Variants in SMARCC1 observed in about 807,000 individuals in gnomAD.
SMARCC1 encodes SWI/SNF related BAF chromatin remodeling complex subunit C1, also known as SWI/SNF complex subunit SMARCC1.
Under a neutral mutation model 147.4 loss-of-function variants are expected in SMARCC1, and 43 were observed. The observed-to-expected ratio is 0.29, with a 90% CI of 0.23 to 0.38. The LOEUF (loss-of-function observed/expected upper bound fraction) is 0.38, where lower values mean the gene tolerates loss of function less well. SMARCC1 is among the 10% of genes least tolerant of loss of function. The probability of loss-of-function intolerance (pLI) is 1.00; values close to 1 mark genes in which losing one functional copy is unlikely to be tolerated. For synonymous variants in SMARCC1, 495 were observed against 484.4 expected, an observed-to-expected ratio of 1.02 and a Z score of -0.29; for missense variants, 1,119 against 1,381.1, an observed-to-expected ratio of 0.81 and a Z score of 3.01.
intron 19 of SMARCC1, among the ~76,000 whole-genome samples, chr3:47,666,586 A>G (rs551912545): frequency 5.2e-4 from 26 of 49,828 alleles, no homozygotes; most frequent in African/African-American, 1.1e-3. Context: ...TGTTTTCCTA[A>G]TTAAAAAAAA....
chr3:47,735,971 G>T, intron 5 of SMARCC1, 63 bp downstream of exon 5: 1 of 706,824 alleles, frequency 1.4e-6, no homozygotes, highest in Non-Finnish European at 2.3e-6. Flanking sequence ...ATTTATTAGA[G>T]GCTTACAACT....
intron 2 of SMARCC1, among the ~76,000 whole-genome samples, chr3:47,770,707 T>C (rs771256772): frequency 6.6e-6 from 1 of 151,888 alleles, no homozygotes; most frequent in Admixed American, 6.6e-5. Context: ...AAAAATGAAA[T>C]CATACAAGTA....
chr3:47,708,041 C>A (rs896677868), intron 9 of SMARCC1, among the ~76,000 whole-genome samples: 1 of 140,700 alleles, frequency 7.1e-6, no homozygotes, highest in African/African-American at 2.6e-5. Context: ...AAAGGATATA[C>A]ACCTTTGAAT....
intron 4 of SMARCC1, among the ~76,000 whole-genome samples, chr3:47,736,916 C>T (rs770140826): frequency 2.0e-5 from 3 of 152,018 alleles, no homozygotes; most frequent in African/African-American, 2.4e-5. Context: ...ATTTAGTGAT[C>T]ACCATAAATT....
chr3:47,652,951 T>G, intron 21 of SMARCC1, among the ~76,000 whole-genome samples: 1 of 146,414 alleles, frequency 6.8e-6, no homozygotes, highest in South Asian at 2.2e-4. Flanking sequence ...TTTACTTTCT[T>G]TTTTTTTTTT....
intron 26 of SMARCC1, chr3:47,603,359 T>C (rs1576384461): frequency 6.6e-6 from 1 of 151,452 alleles, no homozygotes; most frequent in Admixed American, 6.6e-5. Context: ...GAGGTAGAGG[T>C]TGAGGTGAGC....
chr3:47,627,271 G>C (rs2032823471), intron 24 of SMARCC1, among the ~76,000 whole-genome samples: 1 of 151,752 alleles, frequency 6.6e-6, no homozygotes, highest in Non-Finnish European at 1.5e-5. Context: ...TGAAGAAATA[G>C]ATCTTTATTA....
At chr3:47,611,532 G>T (rs1304729234) in intron 25 of SMARCC1, among the ~76,000 whole-genome samples, 1 of 152,168 alleles carries the variant, frequency 6.6e-6, no homozygotes, top group Non-Finnish European at 1.5e-5. Context: ...GAAAATTTTA[G>T]TTATATATAT....
At chr3:47,736,519 C>CA (rs34296904) in intron 4 of SMARCC1, among the ~76,000 whole-genome samples, 90,736 of 150,790 alleles carry the variant, frequency 0.6, 28,612 homozygotes, top group East Asian at 0.72. Flanking sequence ...ACTAAAAATA[C>CA]AAAAAAATTA....
chr3:47,749,310 T>A (rs933133572), intron 2 of SMARCC1, among the ~76,000 whole-genome samples: 1 of 151,776 alleles, frequency 6.6e-6, no homozygotes, highest in Non-Finnish European at 1.5e-5. Flanking sequence ...TAAAAATCAT[T>A]TAAATGGCAT....
At chr3:47,756,342 T>C (rs546729063) in intron 2 of SMARCC1, among the ~76,000 whole-genome samples, 2 of 152,124 alleles carry the variant, frequency 1.3e-5, no homozygotes, top group South Asian at 4.1e-4. Context: ...GAGACCAGCC[T>C]GACCAACATG....
At chr3:47,589,352 G>C (rs767117256) in intron 27 of SMARCC1, among the ~76,000 whole-genome samples, 2 of 152,162 alleles carry the variant, frequency 1.3e-5, no homozygotes, top group Non-Finnish European at 2.9e-5. Flanking sequence ...GTCCCTTTGG[G>C]AAGGAATCCT....
At chr3:47,588,347 AC>A in intron 27 of SMARCC1, 41 bp from the exon 28 acceptor site, 5 of 1,570,770 alleles carry the variant, frequency 3.2e-6, no homozygotes, top group Non-Finnish European at 4.4e-6. Context: ...TGCTGGAAAT[AC>A]AAGAGACTCA....
intron 24 of SMARCC1, among the ~76,000 whole-genome samples, chr3:47,624,568 C>G (rs1286602817): frequency 6.6e-6 from 1 of 152,146 alleles, no homozygotes; most frequent in Non-Finnish European, 1.5e-5. Context: ...CAATCTGTAA[C>G]AGTGTGAATA....
rs147945178 is a variant in SMARCC1 at position 47,727,128 on chromosome 3, G to A, written c.646+1897C>T. Among the ~76,000 whole-genome samples the A allele has an allele frequency of 5.9e-3, 894 of 150,458 alleles. 10 individuals carry two copies. The highest frequency in any genetic ancestry group is 0.02 in the African/African-American group (805 of 40,866). On this transcript the variant is annotated intron_variant, in intron 6 of 27. Transcript: ENST00000254480. Reference sequence around the variant, plus strand: ...CTCGGGAGGCTGAGGCAGGAGAATCGCTTGAACCCAGGAGGCGGAGGCTGC... The same window carrying A: ...CTCGGGAGGCTGAGGCAGGAGAATCACTTGAACCCAGGAGGCGGAGGCTGC...
intron 21 of SMARCC1, among the ~76,000 whole-genome samples, chr3:47,650,258 A>G (rs182521560): frequency 6.7e-6 from 1 of 149,156 alleles, no homozygotes; most frequent in African/African-American, 2.4e-5. Flanking sequence ...CCTGGGCGAC[A>G]GAGCGAGACT....
chr3:47,626,195 GGA>G (rs2032806653), intron 24 of SMARCC1, among the ~76,000 whole-genome samples: 1 of 151,720 alleles, frequency 6.6e-6, no homozygotes, highest in Non-Finnish European at 1.5e-5. Context: ...CGCCCAGGCT[GGA>G]GTACAGTAGC....
chr3:47,675,939 C>T (rs948664364), intron 17 of SMARCC1, among the ~76,000 whole-genome samples: 2 of 148,630 alleles, frequency 1.3e-5, no homozygotes, highest in African/African-American at 5.0e-5. Flanking sequence ...TGCAAGATTC[C>T]GTCTCAAAAA....
chr3:47,644,900 T>C (rs140710178), intron 21 of SMARCC1, among the ~76,000 whole-genome samples: 3 of 152,304 alleles, frequency 2.0e-5, no homozygotes, highest in South Asian at 4.1e-4. Flanking sequence ...TATTTCTCAG[T>C]ATCTTTATTA....
Sources: allele counts gnomAD v4.1 joint callset (sites outside exome capture counted in the v4.1 genomes callset), GRCh38; gene constraint gnomAD v4.1.1; transcripts MANE v1.5; gene names NCBI Gene and HGNC (gene_info 2026-07-23, HGNC 2026-07-21).